Variants in UBE2H observed in about 807,000 individuals in gnomAD.
UBE2H encodes ubiquitin-conjugating enzyme E2 H.
A neutral mutation model predicts 29.0 loss-of-function variants in UBE2H; 3 were observed. That is an observed-to-expected ratio of 0.10 (90% CI 0.05 to 0.27). The LOEUF (loss-of-function observed/expected upper bound fraction) is 0.27, where lower values mean the gene tolerates loss of function less well. UBE2H is among the 10% of genes least tolerant of loss of function. The pLI is 1.00. For synonymous variants in UBE2H, 69 were observed against 82.9 expected (o/e 0.83, Z 0.91); for missense variants, 68 against 228.2 (o/e 0.30, Z 4.52).
intron 3 of UBE2H, among the ~76,000 whole-genome samples, chr7:129,865,226 T>G (rs527712450): frequency 7.2e-5 from 11 of 152,194 alleles, no homozygotes; most frequent in Admixed American, 5.9e-4. Flanking sequence ...CATAGGCTAA[T>G]AGGCAGTGAA....
In UBE2H at chr7:129,952,715, G is replaced by A. The variant is rs535951218; in HGVS notation, c.-160C>T. Reference sequence around the variant, plus strand: ...CCGCCGCCGCCGCCCCCCGCACGGGGGAACACCGGGCACTGTCCGGCCGGG... The same window carrying A: ...CCGCCGCCGCCGCCCCCCGCACGGGAGAACACCGGGCACTGTCCGGCCGGG... On this transcript the variant is annotated 5_prime_UTR_variant, in exon 1 of 7. Coordinates refer to ENST00000355621, the MANE Select transcript of UBE2H (RefSeq NM_003344.4). The A allele has an allele frequency of 7.3e-5, 56 of 766,052 alleles. No homozygotes were observed. In the African/African-American group the frequency reaches 7.8e-4, roughly 11 times the overall value. 47.5% of individuals were successfully genotyped at this position (766,052 alleles called of 1,614,324 possible). A position where few individuals can be genotyped will look rare whatever the true frequency, so the allele number is the denominator to read the frequency against.
chr7:129,845,317 G>A (rs1805494082), intron 5 of UBE2H, among the ~76,000 whole-genome samples: 1 of 152,192 alleles, frequency 6.6e-6, no homozygotes, highest in Admixed American at 6.5e-5. Context: ...ATCTGTATGT[G>A]TGTGATACAG....
At chr7:129,909,336 T>C (rs1226406311) in intron 1 of UBE2H, among the ~76,000 whole-genome samples, 1 of 152,070 alleles carries the variant, frequency 6.6e-6, no homozygotes, top group East Asian at 1.9e-4. Context: ...GGGTAGGTAT[T>C]CATCAGACAT....
chr7:129,918,362 C>CTTT (rs777719323), intron 1 of UBE2H, among the ~76,000 whole-genome samples: 2 of 139,714 alleles, frequency 1.4e-5, no homozygotes, highest in African/African-American at 2.6e-5. Flanking sequence ...AATCCAAATT[C>CTTT]TTTTTTTTTT....
intron 3 of UBE2H, among the ~76,000 whole-genome samples, chr7:129,871,229 T>C (rs527923871): frequency 9.8e-5 from 15 of 152,336 alleles, no homozygotes; most frequent in South Asian, 6.2e-4. Flanking sequence ...GTGAAACTGA[T>C]TGGAAGGATG....
Position 129,928,027 on chromosome 7 carries a change from A to T in UBE2H, c.53+24476T>A, listed in dbSNP as rs978393947. ...ATGGCGAAATACCATCTCAAAATTA[A>T]AAAAAAAAAAAAAAAAAAAATTTGG... On this transcript the variant is annotated intron_variant, in intron 1 of 6. Transcript: ENST00000355621. Among the ~76,000 whole-genome samples, 17 of 27,738 alleles carry T rather than the reference A, an allele frequency of 6.1e-4. No homozygotes were observed. The East Asian group carries it at 9.4e-3, about 15-fold the overall frequency. 18.2% of individuals were successfully genotyped at this position (27,738 alleles called of 152,430 possible). A position where few individuals can be genotyped will look rare whatever the true frequency, so the allele number is the denominator to read the frequency against.
intron 5 of UBE2H, among the ~76,000 whole-genome samples, chr7:129,847,629 C>A (rs571616642): frequency 2.6e-5 from 4 of 152,282 alleles, no homozygotes; most frequent in Non-Finnish European, 4.4e-5. Context: ...GCGTGAGCTA[C>A]CATGCCCAGC....
chr7:129,952,386 GGA>G, intron 1 of UBE2H, 115 bp downstream of exon 1: 1 of 1,279,580 alleles, frequency 7.8e-7, no homozygotes, highest in Admixed American at 2.2e-5. Flanking sequence ...GGGGAGGAGG[GGA>G]GTCTCGGACA....
At chr7:129,911,574 C>T (rs896494437) in intron 1 of UBE2H, among the ~76,000 whole-genome samples, 2 of 152,068 alleles carry the variant, frequency 1.3e-5, no homozygotes, top group Non-Finnish European at 2.9e-5. Flanking sequence ...ATTTGGAAGG[C>T]AGGCACCTAC....
chr7:129,921,694 C>CACAAAA (rs1325226224), intron 1 of UBE2H, among the ~76,000 whole-genome samples: 3 of 68,502 alleles, frequency 4.4e-5, no homozygotes, highest in African/African-American at 1.0e-4. Context: ...GACTCTGTCA[C>CACAAAA]AAAAAAAAAA....
chr7:129,902,924 A>G (rs530879444), intron 1 of UBE2H, among the ~76,000 whole-genome samples: 8 of 152,288 alleles, frequency 5.3e-5, no homozygotes, highest in African/African-American at 1.7e-4. Context: ...CAACAACCCT[A>G]TCATGCAAGT....
At chr7:129,927,021 C>T (rs1423909310) in intron 1 of UBE2H, among the ~76,000 whole-genome samples, 1 of 152,240 alleles carries the variant, frequency 6.6e-6, no homozygotes, top group Non-Finnish European at 1.5e-5. Flanking sequence ...TGACATTCTG[C>T]TTCCACCAGG....
chr7:129,905,193 G>T (rs1043617701), intron 1 of UBE2H, among the ~76,000 whole-genome samples: 1 of 151,802 alleles, frequency 6.6e-6, no homozygotes, highest in African/African-American at 2.4e-5. Flanking sequence ...AAGCTCAGAA[G>T]AAGAATGAAA....
chr7:129,938,413 CA>C (rs34454670), intron 1 of UBE2H, among the ~76,000 whole-genome samples: 430 of 37,998 alleles, frequency 0.011, 1 homozygote, highest in Admixed American at 0.03. Context: ...CTGCCTCATT[CA>C]AAAAAAAAAA....
At chr7:129,905,745 T>C (rs1806802732) in intron 1 of UBE2H, among the ~76,000 whole-genome samples, 1 of 152,206 alleles carries the variant, frequency 6.6e-6, no homozygotes, top group South Asian at 2.1e-4. Flanking sequence ...TGAGTTATCC[T>C]GGTATTGCTG....
chr7:129,910,756 C>T lies in UBE2H; in HGVS notation c.54-29785G>A, dbSNP rs368460204. On this transcript the variant is annotated intron_variant, in intron 1 of 6. Coordinates refer to ENST00000355621, the MANE Select transcript of UBE2H (RefSeq NM_003344.4). ...AATTAGCCAGGTGTGGTGGTGGGCA[C>T]CTATAATCCCAGCTACTCGGAAGGC... 1.4e-4 allele frequency among the ~76,000 whole-genome samples: 22 copies of T among 152,204 alleles called. No homozygotes were observed. The South Asian group carries it at 4.6e-3, about 32-fold the overall frequency.
intron 1 of UBE2H, among the ~76,000 whole-genome samples, chr7:129,932,543 T>C (rs1807428939): frequency 6.6e-6 from 1 of 151,426 alleles, no homozygotes; most frequent in Non-Finnish European, 1.5e-5. Context: ...CATTTCATCA[T>C]ACATCAAAAA....
chr7:129,838,616 C>T (rs1014666636), intron 6 of UBE2H, among the ~76,000 whole-genome samples: 6 of 152,178 alleles, frequency 3.9e-5, no homozygotes, highest in African/African-American at 1.2e-4. Flanking sequence ...AATGGAAAAT[C>T]CAATGAACCC....
intron 6 of UBE2H, among the ~76,000 whole-genome samples, chr7:129,836,367 AG>A (rs1805324544): frequency 6.6e-6 from 1 of 152,172 alleles, no homozygotes; most frequent in African/African-American, 2.4e-5. Flanking sequence ...AGAGAGAGAA[AG>A]GAAGAGCAAG....
Sources: allele counts gnomAD v4.1 joint callset (sites outside exome capture counted in the v4.1 genomes callset), GRCh38; gene constraint gnomAD v4.1.1; transcripts MANE v1.5; gene names NCBI Gene and HGNC (gene_info 2026-07-23, HGNC 2026-07-21).